The following NR3C2 variants were observed in gnomAD, a reference collection of about 807,000 sequenced individuals.
NR3C2 encodes the protein nuclear receptor subfamily 3 group C member 2.
NR3C2 carries 15 observed loss-of-function variants against 86.4 expected under a neutral mutation model. That is an observed-to-expected ratio of 0.17 (90% CI 0.12 to 0.27). NR3C2 has a LOEUF of 0.27. Ranked by LOEUF, NR3C2 falls within the 10% of genes least tolerant of loss-of-function variation. NR3C2 has a pLI of 1.00. For missense variants in NR3C2, 960 were observed against 1,195.6 expected, an observed-to-expected ratio of 0.80 and a Z score of 2.91; for synonymous variants, 458 against 450.5, an observed-to-expected ratio of 1.02 and a Z score of -0.21.
At chr4:148,163,602 T>TC (rs1734757860) in intron 4 of NR3C2, among the ~76,000 whole-genome samples, 1 of 42,004 alleles carries the variant, frequency 2.4e-5, no homozygotes, top group Non-Finnish European at 4.7e-5. Context: ...ACCCCCACCC[T>TC]CCTTTTTTTG....
intron 2 of NR3C2, among the ~76,000 whole-genome samples, chr4:148,362,907 A>G (rs1745910575): frequency 6.6e-6 from 1 of 152,144 alleles, no homozygotes. Context: ...CCGTTATGAC[A>G]TCTTTCTACA....
rs1381616005 is a variant in NR3C2, at chr4:148,442,228, G to A, written c.-71C>T. 2 of 153,114 alleles carry A rather than the reference G, an allele frequency of 1.3e-5. No individual in the cohort carries two copies. Among genetic ancestry groups the A allele is most frequent in the Non-Finnish European group, 2.9e-5 (2 of 68,724 alleles). 9.5% of individuals were successfully genotyped at this position (153,114 alleles called of 1,614,324 possible). On this transcript the variant is annotated 5_prime_UTR_variant, in exon 1 of 9. Coordinates refer to ENST00000358102, the MANE Select transcript of NR3C2 (RefSeq NM_000901.5). ...CGCTTGCCACCGCCACGAAACCCCT[G>A]CTGCGGAGCCCCCCTAAATCCAACC...
At chr4:148,278,629 T>C (rs1425528823) in intron 2 of NR3C2, among the ~76,000 whole-genome samples, 1 of 152,074 alleles carries the variant, frequency 6.6e-6, no homozygotes, top group Non-Finnish European at 1.5e-5. Flanking sequence ...TAATGCCTGG[T>C]TCTTCTCCCC....
chr4:148,421,652 T>G (rs531966174), intron 2 of NR3C2, among the ~76,000 whole-genome samples: 1 of 152,334 alleles, frequency 6.6e-6, no homozygotes, highest in Non-Finnish European at 1.5e-5. Flanking sequence ...TCTAGCCATT[T>G]TCCCCATTAA....
intron 3 of NR3C2, among the ~76,000 whole-genome samples, chr4:148,246,609 C>T (rs974255344): frequency 1.5e-4 from 23 of 152,062 alleles, no homozygotes; most frequent in African/African-American, 5.6e-4. Flanking sequence ...TGGAGTGCAA[C>T]GGCATGATCT....
chr4:148,329,593 A>G (rs1744134779), intron 2 of NR3C2, among the ~76,000 whole-genome samples: 1 of 152,368 alleles, frequency 6.6e-6, no homozygotes. Flanking sequence ...AAGTAATAAA[A>G]AAAGGAAAAA....
At chr4:148,431,771 C>A (rs1162772056) in intron 2 of NR3C2, among the ~76,000 whole-genome samples, 1 of 152,132 alleles carries the variant, frequency 6.6e-6, no homozygotes, top group African/African-American at 2.4e-5. Flanking sequence ...ACTCCTTCCT[C>A]AAAATAATAT....
At chr4:148,444,805 C>T (rs889154228), upstream of NR3C2, 30 of 984,944 alleles carry the variant, frequency 3.0e-5, no homozygotes, top group Non-Finnish European at 3.6e-5. Flanking sequence ...CTCTGGCGGG[C>T]CCCTCTCCCG....
At chr4:148,444,848 G>A, upstream of NR3C2, 4 of 985,004 alleles carry the variant, frequency 4.1e-6, no homozygotes, top group South Asian at 4.7e-5. Context: ...TGACAGCGGC[G>A]TCCCTGGGAG....
intron 2 of NR3C2, among the ~76,000 whole-genome samples, chr4:148,375,768 C>A (rs1166763069): frequency 6.6e-6 from 1 of 152,046 alleles, no homozygotes; most frequent in Non-Finnish European, 1.5e-5. Flanking sequence ...AACTCCGCAC[C>A]CTTCCCTGTG....
intron 2 of NR3C2, among the ~76,000 whole-genome samples, chr4:148,371,785 G>A (rs1471508108): frequency 6.6e-6 from 1 of 152,126 alleles, no homozygotes; most frequent in African/African-American, 2.4e-5. Context: ...TACTGGAAAA[G>A]CTAAAAATTA....
intron 4 of NR3C2, among the ~76,000 whole-genome samples, chr4:148,190,794 G>A (rs775792620): frequency 1.3e-5 from 2 of 152,170 alleles, no homozygotes; most frequent in African/African-American, 2.4e-5. Context: ...GAATAGCAAC[G>A]CCTCTTTGCT....
At position 148,154,728 on chromosome 4, in the gene NR3C2, T is replaced by C. The variant is rs1382002303; in HGVS notation, c.2188A>G (p.Ile730Val). 3 of 1,605,604 alleles carry C rather than the reference T, an allele frequency of 1.9e-6. No individual in the cohort carries two copies. Among genetic ancestry groups the C allele is most frequent in the Admixed American group, 3.4e-5 (2 of 59,572 alleles). ...GGGGAAGGTGTGAGCGCTCGTGAGA[T>C]TGTGGAGAGCTGAGGAACCAGTGCT... is the stretch of plus-strand genomic sequence containing the variant. Reference protein sequence around the residue: ...NTALVPQLSTISRALTPSPVM... With the variant: ...NTALVPQLSTVSRALTPSPVM... Residue 730 changes from isoleucine to valine, a missense_variant, in exon 5 of 9, where the codon ATC becomes GTC. Ile to Val is a conservative substitution (Grantham distance 29, BLOSUM62 3). Transcript: ENST00000358102.
chr4:148,133,942 C>T (rs771639297), intron 6 of NR3C2, among the ~76,000 whole-genome samples: 9 of 152,184 alleles, frequency 5.9e-5, no homozygotes, highest in Admixed American at 1.3e-4. Flanking sequence ...TATCTTCTTA[C>T]TTTGGAAGAA....
intron 2 of NR3C2, among the ~76,000 whole-genome samples, chr4:148,334,907 C>A (rs1372377710): frequency 6.6e-6 from 1 of 152,154 alleles, no homozygotes. Context: ...TGTTCTGTGG[C>A]AATCTTTAGC....
At chr4:148,351,885 C>T (rs949795567) in intron 2 of NR3C2, among the ~76,000 whole-genome samples, 1 of 152,072 alleles carries the variant, frequency 6.6e-6, no homozygotes, top group African/African-American at 2.4e-5. Context: ...AATGCAGTCC[C>T]CCCATTCTGT....
chr4:148,321,409 C>T (rs1419661126), intron 2 of NR3C2, among the ~76,000 whole-genome samples: 2 of 151,416 alleles, frequency 1.3e-5, no homozygotes, highest in African/African-American at 2.4e-5. Context: ...TGGTGCAGAG[C>T]TGAGTTCAAT....
intron 2 of NR3C2, among the ~76,000 whole-genome samples, chr4:148,348,809 A>G (rs752732007): frequency 6.6e-6 from 1 of 152,146 alleles, no homozygotes; most frequent in Non-Finnish European, 1.5e-5. Flanking sequence ...CTTCTAATAT[A>G]CAATAATCCA....
intron 2 of NR3C2, among the ~76,000 whole-genome samples, chr4:148,306,253 T>C (rs1207976211): frequency 6.6e-6 from 1 of 152,192 alleles, no homozygotes; most frequent in African/African-American, 2.4e-5. Flanking sequence ...GTACCCCTTT[T>C]TTGAAACTCA....
Sources: gnomAD v4.1 joint callset for allele counts (sites outside exome capture counted in the v4.1 genomes callset) on GRCh38, gnomAD v4.1.1 for gene constraint, MANE v1.5 for transcripts, NCBI Gene and HGNC (gene_info 2026-07-23, HGNC 2026-07-21) for gene names.